Variants in DCC observed in about 807,000 individuals in gnomAD.
DCC encodes the protein netrin receptor DCC.
Under a neutral mutation model 172.5 loss-of-function variants are expected in DCC, and 58 were observed. The observed-to-expected ratio is 0.34, with a 90% CI of 0.27 to 0.42. The LOEUF (loss-of-function observed/expected upper bound fraction) is 0.42. DCC is among the 10% of genes least tolerant of loss of function. The pLI, the probability that DCC is intolerant of heterozygous loss-of-function variation, is 1.00. For synonymous variants in DCC, 709 were observed against 644.5 expected, an observed-to-expected ratio of 1.10 and a Z score of -1.52; for missense variants, 1,740 against 1,791.0, an observed-to-expected ratio of 0.97 and a Z score of 0.51.
rs148918291 is a variant in DCC, at chr18:52,355,991, G to T, written c.91+15113G>T. 1.9e-4 allele frequency among the ~76,000 whole-genome samples: 29 copies of T among 152,258 alleles called. No individual in the cohort carries two copies. In the East Asian group the frequency reaches 5.6e-3, roughly 29 times the overall value. Reference sequence around the variant, plus strand: ...AAAAAAATGATGGTGATACTTCACTGCAGAAAGCTTCTTAGTCCAGGCACC... The same window carrying T: ...AAAAAAATGATGGTGATACTTCACTTCAGAAAGCTTCTTAGTCCAGGCACC... On this transcript the variant is annotated intron_variant, in intron 1 of 28. Transcript: ENST00000442544.
At chr18:53,212,679 CTTTTTT>C (rs954098774) in intron 11 of DCC, among the ~76,000 whole-genome samples, 20 of 54,356 alleles carry the variant, frequency 3.7e-4, no homozygotes, top group Non-Finnish European at 6.7e-4. Context: ...TTTTTTTTTT[CTTTTTT>C]TTTGAGACAG....
intron 7 of DCC, among the ~76,000 whole-genome samples, chr18:53,127,672 C>T (rs1395322175): frequency 1.3e-5 from 2 of 152,120 alleles, no homozygotes; most frequent in African/African-American, 4.8e-5. Flanking sequence ...ACTTCAATAT[C>T]TACATAAATA....
intron 1 of DCC, among the ~76,000 whole-genome samples, chr18:52,710,972 G>A (rs1289290912): frequency 5.3e-5 from 8 of 152,172 alleles, no homozygotes; most frequent in Non-Finnish European, 1.2e-4. Flanking sequence ...GAGAGAGTTG[G>A]TCTCTAGGAG....
intron 4 of DCC, among the ~76,000 whole-genome samples, chr18:52,924,253 C>T (rs1943128): frequency 0.39 from 59,704 of 151,670 alleles, 12,283 homozygotes; most frequent in Non-Finnish European, 0.47. Context: ...ATCAGTTCAA[C>T]TGTGATAATC....
intron 2 of DCC, among the ~76,000 whole-genome samples, chr18:52,898,909 A>G (rs1486896383): frequency 6.6e-6 from 1 of 152,090 alleles, no homozygotes; most frequent in Non-Finnish European, 1.5e-5. Flanking sequence ...GACCACTGAT[A>G]ACTTTGTTCC....
intron 2 of DCC, among the ~76,000 whole-genome samples, chr18:52,903,785 A>G (rs192538806): frequency 5.3e-5 from 8 of 152,278 alleles, no homozygotes; most frequent in Non-Finnish European, 1.2e-4. Context: ...GTCACTACTC[A>G]TTGCAGCTTT....
At chr18:52,421,497 C>T (rs997893576) in intron 1 of DCC, among the ~76,000 whole-genome samples, 2 of 152,140 alleles carry the variant, frequency 1.3e-5, no homozygotes, top group African/African-American at 4.8e-5. Flanking sequence ...TTGTTTAATC[C>T]CTGTCCCAAT....
chr18:52,499,515 C>T (rs1165331812), intron 1 of DCC, among the ~76,000 whole-genome samples: 2 of 152,130 alleles, frequency 1.3e-5, no homozygotes, highest in African/African-American at 4.8e-5. Context: ...ATTTCATTTC[C>T]TGATCTTCTG....
chr18:52,486,913 G>A (rs936610001), intron 1 of DCC, among the ~76,000 whole-genome samples: 1 of 152,114 alleles, frequency 6.6e-6, no homozygotes, highest in African/African-American at 2.4e-5. Context: ...TCAAACATAT[G>A]AGACATATGC....
At chr18:53,165,690 T>C (rs2144422584) in intron 8 of DCC, among the ~76,000 whole-genome samples, 1 of 152,304 alleles carries the variant, frequency 6.6e-6, no homozygotes, top group African/African-American at 2.4e-5. Context: ...AAATGAAACA[T>C]GCCATCCACA....
intron 1 of DCC, among the ~76,000 whole-genome samples, chr18:52,527,163 G>T (rs778510473): frequency 1.3e-5 from 2 of 152,068 alleles, no homozygotes; most frequent in African/African-American, 2.4e-5. Flanking sequence ...GGTGATAAAA[G>T]AAAAAATTAC....
At chr18:53,380,228 T>C (rs111900077) in intron 15 of DCC, among the ~76,000 whole-genome samples, 1 of 152,194 alleles carries the variant, frequency 6.6e-6, no homozygotes, top group Admixed American at 6.5e-5. Flanking sequence ...GTTTAAGAGC[T>C]CTGAGCATGT....
chr18:53,513,070 G>A (rs1432074489), intron 27 of DCC, among the ~76,000 whole-genome samples: 3 of 152,116 alleles, frequency 2.0e-5, no homozygotes, highest in African/African-American at 7.2e-5. Flanking sequence ...AGAAAGGTCG[G>A]GTTACCCTCA....
At chr18:52,881,383 G>T (rs192280892) in intron 2 of DCC, among the ~76,000 whole-genome samples, 2 of 151,944 alleles carry the variant, frequency 1.3e-5, no homozygotes, top group Non-Finnish European at 2.9e-5. Flanking sequence ...ATTTTGCTTT[G>T]GTTGCCTATG....
At chr18:52,587,775 G>A (rs1204648535) in intron 1 of DCC, among the ~76,000 whole-genome samples, 1 of 152,096 alleles carries the variant, frequency 6.6e-6, no homozygotes, top group African/African-American at 2.4e-5. Context: ...CCTGTGTGTC[G>A]TGCAGAACCA....
intron 16 of DCC, among the ~76,000 whole-genome samples, chr18:53,388,207 A>C (rs935309880): frequency 1.3e-5 from 2 of 152,232 alleles, no homozygotes; most frequent in African/African-American, 2.4e-5. Flanking sequence ...GCGTGATTCC[A>C]GCCCTTTTCA....
intron 1 of DCC, among the ~76,000 whole-genome samples, chr18:52,451,757 G>C (rs1988312720): frequency 6.6e-6 from 1 of 152,102 alleles, no homozygotes; most frequent in African/African-American, 2.4e-5. Flanking sequence ...GTCAAGAACT[G>C]AGTCGGCTCG....
chr18:52,591,309 T>C (rs1451169029), intron 1 of DCC, among the ~76,000 whole-genome samples: 4 of 152,180 alleles, frequency 2.6e-5, no homozygotes, highest in Non-Finnish European at 4.4e-5. Context: ...ATTTTTATTA[T>C]AACAAAAATT....
At chr18:52,895,877 T>C (rs1343045417) in intron 2 of DCC, among the ~76,000 whole-genome samples, 3 of 152,074 alleles carry the variant, frequency 2.0e-5, no homozygotes, top group Non-Finnish European at 4.4e-5. Flanking sequence ...CTCGGCCTCC[T>C]GGGCTCAAGT....
Sources: allele counts gnomAD v4.1 joint callset (sites outside exome capture counted in the v4.1 genomes callset), GRCh38; gene constraint gnomAD v4.1.1; transcripts MANE v1.5; gene names NCBI Gene and HGNC (gene_info 2026-07-23, HGNC 2026-07-21).